MEAF6: variants seen among roughly 807,000 people sequenced by gnomAD.
The protein encoded by MEAF6 is chromatin modification-related protein MEAF6.
A neutral mutation model predicts 28.9 loss-of-function variants in MEAF6; 15 were observed. The observed-to-expected ratio is 0.52, with a 90% CI of 0.35 to 0.80. The LOEUF (loss-of-function observed/expected upper bound fraction) is 0.80. MEAF6 is among the 30% of genes least tolerant of loss of function. The pLI is 0.01. For missense variants in MEAF6, 178 were observed against 237.5 expected (o/e 0.75, Z 1.65); for synonymous variants, 97 against 88.7 (o/e 1.09, Z -0.53).
rs369031265 is a variant in MEAF6, at chr1:37,499,708, AC to A, written c.533+2095del. Among the ~76,000 whole-genome samples the A allele has an allele frequency of 5.2e-3, 796 of 152,368 alleles. 10 individuals are homozygous for A. Among genetic ancestry groups the A allele is most frequent in the African/African-American group, 0.018 (761 of 41,580 alleles). On this transcript the variant is annotated intron_variant, in intron 5 of 6. Coordinates refer to ENST00000296214, the MANE Select transcript of MEAF6 (RefSeq NM_001270875.3). ...AGAAAACACTATTTGCGAAGCAGTAACTAATATCGAAGATTTTTACAACTAC... is the reference window on the plus strand; with the variant it reads ...AGAAAACACTATTTGCGAAGCAGTAATAATATCGAAGATTTTTACAACTAC...
intron 6 of MEAF6, 134 bp from the exon 7 acceptor site, chr1:37,494,241 C>T: frequency 6.6e-6 from 5 of 753,732 alleles, no homozygotes; most frequent in Non-Finnish European, 1.1e-5. Context: ...TCAGGCCAGG[C>T]ACAGTGGCTC....
Position 37,495,880 on chromosome 1 carries a change from C to A in MEAF6, c.567+5G>T. ...CCTCTCTGAAGTGGTCCGGCTGATA[C>A]TTACAGCTCGTGGTTTTTTGTTTAA... On this transcript the variant is annotated splice_donor_5th_base_variant and intron_variant, in intron 6 of 6. Coordinates refer to ENST00000296214, the MANE Select transcript of MEAF6 (RefSeq NM_001270875.3). 6.2e-7 allele frequency: 1 copy of A among 1,614,022 alleles called. No homozygotes were observed. Among genetic ancestry groups the A allele is most frequent in the Non-Finnish European group, 8.5e-7 (1 of 1,179,954 alleles).
At chr1:37,495,713 A>AAAAAAAAAAAAAAAAAAC (rs1557603971) in intron 6 of MEAF6, among the ~76,000 whole-genome samples, 172 bp downstream of exon 6, 2 of 133,982 alleles carry the variant, frequency 1.5e-5, no homozygotes, top group African/African-American at 5.2e-5. Flanking sequence ...ACAAAAAAAA[A>AAAAAAAAAAAAAAAAAAC]AAAAAACAAA....
At chr1:37,509,697 A>G (rs1642602062) in intron 2 of MEAF6, among the ~76,000 whole-genome samples, 155 bp from the exon 3 acceptor site, 1 of 152,214 alleles carries the variant, frequency 6.6e-6, no homozygotes, top group African/African-American at 2.4e-5. Flanking sequence ...ACGTTTTCCA[A>G]TATATGGTAC....
chr1:37,512,397 T>C (rs1368537011), intron 2 of MEAF6, among the ~76,000 whole-genome samples: 1 of 152,226 alleles, frequency 6.6e-6, no homozygotes, highest in African/African-American at 2.4e-5. Flanking sequence ...CTTATATTAA[T>C]ATATATTATA....
Position 37,503,658 on chromosome 1 carries a change from C to CAAAAAAAAAAAAAAAAAAAAA in MEAF6, c.341-1683_341-1663dup. ...CCTGGGCAACAGAGCAAGACTGTCT[C>CAAAAAAAAAAAAAAAAAAAAA]AAAAAAAAAAAAAAAAAAAAAAAGG... is the stretch of plus-strand genomic sequence containing the variant. On this transcript the variant is annotated intron_variant, in intron 4 of 6. Coordinates refer to ENST00000296214, the MANE Select transcript of MEAF6 (RefSeq NM_001270875.3). Among the ~76,000 whole-genome samples the CAAAAAAAAAAAAAAAAAAAAA allele has an allele frequency of 4.2e-5, 2 of 47,926 alleles. 1 individual carries two copies. Among genetic ancestry groups the CAAAAAAAAAAAAAAAAAAAAA allele is most frequent in the Non-Finnish European group, 8.1e-5 (2 of 24,558 alleles). The allele number at this position is 47,926 out of a possible 152,430, so 31.4% of individuals were successfully genotyped here.
At chr1:37,495,333 AAAATAAAT>A (rs199695721) in intron 6 of MEAF6, among the ~76,000 whole-genome samples, 2,218 of 138,504 alleles carry the variant, frequency 0.016, 52 homozygotes, top group African/African-American at 0.05. Flanking sequence ...TCCGTCTCAA[AAAATAAAT>A]AAATAAATAA....
At chr1:37,514,441 G>C in intron 1 of MEAF6, 1 of 260,208 alleles carries the variant, frequency 3.8e-6, no homozygotes, top group Non-Finnish European at 7.2e-6. Flanking sequence ...TCCCCCTCCC[G>C]CGCTCCCGGC....
chr1:37,510,967 G>C (rs1195625705), intron 2 of MEAF6, among the ~76,000 whole-genome samples: 1 of 150,766 alleles, frequency 6.6e-6, no homozygotes, highest in Admixed American at 6.6e-5. Context: ...TGATCCACTC[G>C]CCTCGGCCTC....
chr1:37,511,162 CA>C (rs1178154519), intron 2 of MEAF6, among the ~76,000 whole-genome samples: 2 of 151,998 alleles, frequency 1.3e-5, no homozygotes, highest in African/African-American at 4.8e-5. Context: ...AGGTCTGGGA[CA>C]AAAAATGCAA....
chr1:37,507,290 A>G, intron 4 of MEAF6, among the ~76,000 whole-genome samples: 1 of 151,058 alleles, frequency 6.6e-6, no homozygotes, highest in Non-Finnish European at 1.5e-5. Context: ...ATTGCACTCC[A>G]GCCTGGGTAA....
chr1:37,498,802 A>G (rs1642203326), intron 5 of MEAF6, among the ~76,000 whole-genome samples: 1 of 152,154 alleles, frequency 6.6e-6, no homozygotes, highest in Non-Finnish European at 1.5e-5. Flanking sequence ...ATCATGTAAA[A>G]TATAAGAATT....
chr1:37,514,642 G>A lies in MEAF6; in HGVS notation c.90+15C>T. ...CGGAGCCCCATGCCGTGCAACCCCT[G>A]TCCTAGCCCCTCACCGCCAGCTCCT... On this transcript the variant is annotated intron_variant, in intron 1 of 6. Transcript: ENST00000296214. 3 of 1,519,430 alleles carry A rather than the reference G, an allele frequency of 2.0e-6. No individual in the cohort carries two copies. Among genetic ancestry groups the A allele is most frequent in the Middle Eastern group, 1.7e-4 (1 of 5,806 alleles). 94.1% of individuals were successfully genotyped at this position (1,519,430 alleles called of 1,614,324 possible).
At chr1:37,511,920 A>G (rs1173415046) in intron 2 of MEAF6, among the ~76,000 whole-genome samples, 1 of 152,228 alleles carries the variant, frequency 6.6e-6, no homozygotes, top group African/African-American at 2.4e-5. Flanking sequence ...AAATTTTAAT[A>G]AAGACTATGT....
At position 37,491,222 on chromosome 1, in the gene MEAF6, T is replaced by C. The variant is rs1423985623; in HGVS notation, c.*2877A>G. Among the ~76,000 whole-genome samples the C allele has an allele frequency of 1.3e-5, 2 of 151,768 alleles. No individual in the cohort carries two copies. Among genetic ancestry groups the C allele is most frequent in the Admixed American group, 6.6e-5 (1 of 15,248 alleles). The stretch of plus-strand genomic sequence containing the variant: ...GTCAAGATGTCAAGAATACTCTATA[T>C]TGCCAGGTGCCAGGGCTCATGCCTG... On this transcript the variant is annotated 3_prime_UTR_variant, in exon 7 of 7. Coordinates refer to ENST00000296214, the MANE Select transcript of MEAF6 (RefSeq NM_001270875.3).
At chr1:37,495,635 G>T (rs1251644650) in intron 6 of MEAF6, among the ~76,000 whole-genome samples, 1 of 132,538 alleles carries the variant, frequency 7.5e-6, no homozygotes, top group Non-Finnish European at 1.6e-5. Flanking sequence ...AACTGTGACT[G>T]TGATGATACT....
intron 1 of MEAF6, 75 bp downstream of exon 1, chr1:37,514,582 G>C: frequency 1.6e-6 from 2 of 1,213,214 alleles, no homozygotes; most frequent in Non-Finnish European, 1.1e-6. Context: ...ACGGCCTAGC[G>C]CGGCCGGGCT....
intron 2 of MEAF6, among the ~76,000 whole-genome samples, chr1:37,512,083 A>C (rs1052078780): frequency 2.0e-5 from 3 of 152,178 alleles, no homozygotes; most frequent in Non-Finnish European, 4.4e-5. Flanking sequence ...GTGGGAAAAA[A>C]AGGTAGGGGG....
At position 37,494,016 on chromosome 1, in the gene MEAF6, C is replaced by G. The variant is rs372584814; in HGVS notation, c.*83G>C. 1.2e-5 allele frequency: 19 copies of G among 1,592,282 alleles called. No individual in the cohort carries two copies. In the African/African-American group the frequency reaches 2.0e-4, roughly 17 times the overall value. ...GAGCAGAGGTGGATGGCCACGAACTCAGGTGAAGGATGTTTATCTTTGTGA... is the reference window on the plus strand; with the variant it reads ...GAGCAGAGGTGGATGGCCACGAACTGAGGTGAAGGATGTTTATCTTTGTGA... On this transcript the variant is annotated 3_prime_UTR_variant, in exon 7 of 7. Transcript: ENST00000296214.
Sources: allele counts gnomAD v4.1 joint callset (sites outside exome capture counted in the v4.1 genomes callset), GRCh38; gene constraint gnomAD v4.1.1; transcripts MANE v1.5; gene names NCBI Gene and HGNC (gene_info 2026-07-23, HGNC 2026-07-21).